Variants in CDCP2 observed in about 807,000 individuals in gnomAD.
CDCP2 encodes CUB domain-containing protein 2.
A neutral mutation model predicts 31.0 loss-of-function variants in CDCP2; 31 were observed. The observed-to-expected ratio is 1.00, with a 90% confidence interval of 0.75 to 1.35. The LOEUF is 1.35. Ranked by LOEUF, CDCP2 falls within the 40% of genes most tolerant of loss-of-function variation. The pLI, the probability that CDCP2 is intolerant of heterozygous loss-of-function variation, is 0.00. For missense variants in CDCP2, 443 were observed against 482.6 expected, an observed-to-expected ratio of 0.92 and a Z score of 0.77; for synonymous variants, 206 against 207.9, an observed-to-expected ratio of 0.99 and a Z score of 0.08.
At chr1:54,144,759 T>G in exon 2 of CDCP2, 1 of 1,614,044 alleles carries the variant, frequency 6.2e-7, no homozygotes, top group African/African-American at 1.3e-5. Flanking sequence ...TCTAGGGAAG[T>G]TGGGGCTGGA....
At chr1:54,149,387 C>T (rs1659536653) in intron 1 of CDCP2, among the ~76,000 whole-genome samples, 1 of 151,818 alleles carries the variant, frequency 6.6e-6, no homozygotes, top group Admixed American at 6.6e-5. Context: ...CTCCACACCT[C>T]CCAGAATGGG....
chr1:54,133,606 C>G (rs1302008778), intron 5 of CDCP2, among the ~76,000 whole-genome samples: 1 of 152,158 alleles, frequency 6.6e-6, no homozygotes, highest in African/African-American at 2.4e-5. Context: ...ACCACTAAAA[C>G]CCCCATGTGG....
chr1:54,139,853 G>T, exon 4 of CDCP2: 9 of 1,614,066 alleles, frequency 5.6e-6, no homozygotes, highest in Non-Finnish European at 6.8e-6. Flanking sequence ...GTGGTGGCAG[G>T]TGGTGTCCAC....
At chr1:54,147,048 C>T (rs1363119419) in intron 1 of CDCP2, among the ~76,000 whole-genome samples, 1 of 120,594 alleles carries the variant, frequency 8.3e-6, no homozygotes, top group Non-Finnish European at 1.6e-5. Flanking sequence ...CGCACTCCAG[C>T]CTGGGTGACA....
At chr1:54,133,835 G>A (rs1030809342) in intron 5 of CDCP2, among the ~76,000 whole-genome samples, 9 of 151,254 alleles carry the variant, frequency 6.0e-5, no homozygotes, top group Admixed American at 3.3e-4. Flanking sequence ...GGTGGAGCTT[G>A]CAGTGAGCTG....
chr1:54,151,559 C>T (rs1659584268), intron 1 of CDCP2, among the ~76,000 whole-genome samples: 2 of 152,204 alleles, frequency 1.3e-5, no homozygotes, highest in East Asian at 1.9e-4. Context: ...CCCAAGGCCC[C>T]TTAAGCCCCA....
chr1:54,139,647 G>GGT (rs1553173740), intron 4 of CDCP2, 106 bp downstream of exon 4: 8 of 1,223,096 alleles, frequency 6.5e-6, no homozygotes, highest in Non-Finnish European at 7.9e-6. Flanking sequence ...ACCATTCATG[G>GGT]GGGGGGCAGG....
intron 2 of CDCP2, chr1:54,144,131 A>C: frequency 4.3e-6 from 1 of 233,520 alleles, no homozygotes; most frequent in Non-Finnish European, 8.4e-6. Context: ...CTCTAGGAGA[A>C]ACGGAGGCGG....
At chr1:54,143,224 C>G (rs1170913024) in intron 2 of CDCP2, among the ~76,000 whole-genome samples, 1 of 152,090 alleles carries the variant, frequency 6.6e-6, no homozygotes, top group African/African-American at 2.4e-5. Flanking sequence ...CCTGTAATCC[C>G]AGCTACTTGG....
intron 1 of CDCP2, among the ~76,000 whole-genome samples, chr1:54,150,842 C>G (rs1017495884): frequency 3.9e-5 from 6 of 152,212 alleles, no homozygotes; most frequent in Non-Finnish European, 8.8e-5. Flanking sequence ...GAAGAATACA[C>G]TTAACCAAAT....
At chr1:54,133,601 T>A (rs935762124) in intron 5 of CDCP2, among the ~76,000 whole-genome samples, 1 of 152,152 alleles carries the variant, frequency 6.6e-6, no homozygotes, top group Non-Finnish European at 1.5e-5. Flanking sequence ...TTGGTACCAC[T>A]AAAACCCCCA....
At chr1:54,139,703 C>T in intron 4 of CDCP2, 50 bp downstream of exon 4, 1 of 1,614,182 alleles carries the variant, frequency 6.2e-7, no homozygotes, top group Non-Finnish European at 8.5e-7. Flanking sequence ...ACTGAGGCTG[C>T]AAAGCCTCCC....
chr1:54,146,632 C>T (rs182248150), intron 1 of CDCP2, among the ~76,000 whole-genome samples: 15 of 152,008 alleles, frequency 9.9e-5, no homozygotes, highest in African/African-American at 3.6e-4. Flanking sequence ...GCATTTTACA[C>T]CTCTAGGCTT....
Position 54,136,366 on chromosome 1 carries a change from G to A in CDCP2, c.1296+264C>T, listed in dbSNP as rs115806144. ...GTGGGGTTAAGCAGCAGCAGCTGGG[G>A]TTAGGAAAGAGAGCTGGGAAGAGAA... On this transcript the variant is annotated intron_variant, in intron 5 of 5. Transcript: ENST00000530059. 2.0e-3 allele frequency among the ~76,000 whole-genome samples: 309 copies of A among 152,348 alleles called. 1 individual carries two copies. Among genetic ancestry groups the A allele is most frequent in the African/African-American group, 7.2e-3 (300 of 41,584 alleles).
rs1339679910 is a variant in CDCP2, at chr1:54,149,252, A to G, written c.79+3592T>C. On this transcript the variant is annotated intron_variant, in intron 1 of 5. Coordinates refer to ENST00000530059, the Ensembl canonical transcript of CDCP2. Reference sequence around the variant, plus strand: ...TCTCTAAAAAAATTTTTTTAAATTAAGCACTTATTATACCATGATAAAGGT... The same window carrying G: ...TCTCTAAAAAAATTTTTTTAAATTAGGCACTTATTATACCATGATAAAGGT... Among the ~76,000 whole-genome samples, 5 of 151,724 alleles carry G rather than the reference A, an allele frequency of 3.3e-5. No homozygotes were observed. The South Asian group carries it at 1.0e-3, about 31-fold the overall frequency.
rs1347844696 is a variant in CDCP2 at position 54,148,006 on chromosome 1, T to A, written c.80-3193A>T. Among the ~76,000 whole-genome samples, 3 of 151,054 alleles carry A rather than the reference T, an allele frequency of 2.0e-5. No individual in the cohort carries two copies. In the South Asian group the frequency reaches 6.2e-4, roughly 31 times the overall value. Reference sequence around the variant, plus strand: ...CAGCCTGGGCAACAGAGAAAGACCCTGTCTCAAAATTTAAAAAAAAAAATT... The same window carrying A: ...CAGCCTGGGCAACAGAGAAAGACCCAGTCTCAAAATTTAAAAAAAAAAATT... On this transcript the variant is annotated intron_variant, in intron 1 of 5. Coordinates refer to ENST00000530059, the Ensembl canonical transcript of CDCP2.
At chr1:54,148,496 T>C (rs1449852140) in intron 1 of CDCP2, among the ~76,000 whole-genome samples, 1 of 150,516 alleles carries the variant, frequency 6.6e-6, no homozygotes, top group Non-Finnish European at 1.5e-5. Context: ...TGTAGACAAG[T>C]GTCAAGTGAA....
At chr1:54,145,957 G>T (rs1377459831) in intron 1 of CDCP2, among the ~76,000 whole-genome samples, 1 of 152,120 alleles carries the variant, frequency 6.6e-6, no homozygotes, top group African/African-American at 2.4e-5. Context: ...GAGGAAAAAT[G>T]ATTTCAAATG....
upstream of CDCP2, chr1:54,152,939 C>T: frequency 6.2e-7 from 1 of 1,613,606 alleles, no homozygotes; most frequent in Admixed American, 1.7e-5. Context: ...ACCAGGGGCC[C>T]CCACAGGTCT....
Sources: gnomAD v4.1 joint callset for allele counts (sites outside exome capture counted in the v4.1 genomes callset) on GRCh38, gnomAD v4.1.1 for gene constraint, MANE v1.5 for transcripts, NCBI Gene and HGNC (gene_info 2026-07-23, HGNC 2026-07-21) for gene names.